Variants in SPTB observed in about 807,000 individuals in gnomAD.
SPTB encodes the protein spectrin beta chain, erythrocytic.
A neutral mutation model predicts 256.2 loss-of-function variants in SPTB; 45 were observed. That is an observed-to-expected ratio of 0.18 (90% CI 0.14 to 0.23). The LOEUF (loss-of-function observed/expected upper bound fraction) is 0.23, where lower values mean the gene tolerates loss of function less well. SPTB is among the 10% of genes least tolerant of loss of function. SPTB has a pLI of 1.00. For missense variants in SPTB, 2,715 were observed against 3,040.4 expected (o/e 0.89, Z 2.52); for synonymous variants, 1,231 against 1,243.1 (o/e 0.99, Z 0.21).
intron 29 of SPTB, 149 bp from the exon 30 acceptor site, chr14:64,768,008 C>T (rs2082217782): frequency 1.2e-6 from 1 of 829,670 alleles, no homozygotes; most frequent in African/African-American, 1.7e-5. Flanking sequence ...CTGCAGCCAC[C>T]CCATTCCACA....
At chr14:64,867,682 C>T (rs1418434539) in intron 1 of SPTB, among the ~76,000 whole-genome samples, 3 of 151,898 alleles carry the variant, frequency 2.0e-5, no homozygotes, top group East Asian at 1.9e-4. Flanking sequence ...GGCGAAACCC[C>T]GTCTCTACTA....
At chr14:64,835,432 G>A (rs912717011) in intron 1 of SPTB, among the ~76,000 whole-genome samples, 11 of 152,174 alleles carry the variant, frequency 7.2e-5, no homozygotes, top group African/African-American at 2.7e-4. Context: ...TTTTAATAGA[G>A]ACGGGGTTTC....
Position 64,786,794 on chromosome 14 carries a change from C to T in SPTB, c.3171G>A (p.Leu1057=). 1 of 1,614,028 alleles carries T rather than the reference C, an allele frequency of 6.2e-7. No individual in the cohort carries two copies. ...QQSLQGQEDL[L]GEVSQLQAFL... ...AGGCCTGCAGCTGGCTGACTTCCCC[C>T]AGCAAGTCCTCCTGGCCCTGCAGGG... The change falls in exon 16 of 36, where the codon CTG becomes CTA. Residue 1057 remains leucine (L), a synonymous_variant. Coordinates refer to ENST00000644917, the MANE Select transcript of SPTB (RefSeq NM_001355436.2). This position sits in a 1 kb window ranked among gnomAD's most constrained non-coding sequence, Gnocchi z 5.6.
In SPTB at chr14:64,846,109, C is replaced by T. The variant is rs547922606; in HGVS notation, c.-51-22964G>A. Among the ~76,000 whole-genome samples, 13 of 152,274 alleles carry T rather than the reference C, an allele frequency of 8.5e-5. 1 individual carries two copies. The South Asian group carries it at 1.5e-3, about 17-fold the overall frequency. The stretch of plus-strand genomic sequence containing the variant: ...GATGAAAGCAGAGAACTGCTACTCC[C>T]GACTTGCGGTGAGTAACTTGATTAT... On this transcript the variant is annotated intron_variant, in intron 1 of 35. Transcript: ENST00000644917.
In SPTB at chr14:64,790,158, G is replaced by GC. The variant is rs2082646235; in HGVS notation, c.2804+1560_2804+1561insG. Among the ~76,000 whole-genome samples, 2 of 152,122 alleles carry GC rather than the reference G, an allele frequency of 1.3e-5. No homozygotes were observed. Among genetic ancestry groups the GC allele is most frequent in the South Asian group, 4.2e-4 (2 of 4,814 alleles). On this transcript the variant is annotated intron_variant, in intron 15 of 35. Transcript: ENST00000644917. The surrounding 1 kb of genome is among the most constrained non-coding windows in gnomAD (Gnocchi z 4.8). ...GTGAGGGAGTGAGTTCCCCATCACT[G>GC]GCTAGACTGGGTGACTTCTCAGGTT...
intron 1 of SPTB, among the ~76,000 whole-genome samples, chr14:64,870,386 G>A (rs1882458537): frequency 6.6e-6 from 1 of 151,914 alleles, no homozygotes; most frequent in African/African-American, 2.4e-5. Context: ...GGAGCTGGAA[G>A]CAACCCAGAC....
chr14:64,766,338 A>C, intron 32 of SPTB: 1 of 1,199,324 alleles, frequency 8.3e-7, no homozygotes, highest in South Asian at 1.8e-5. Flanking sequence ...TACTGCCTAG[A>C]GGAAGGAGTT....
rs1161996598 is a variant in SPTB at position 64,824,011 on chromosome 14, C to T, written c.-51-866G>A. ...AGTCATTCCTACTCACTCATTCATTCATTTACAGTTAATTCAAATATGTAC... is the reference window on the plus strand; with the variant it reads ...AGTCATTCCTACTCACTCATTCATTTATTTACAGTTAATTCAAATATGTAC... On this transcript the variant is annotated intron_variant, in intron 1 of 35. Coordinates refer to ENST00000644917, the MANE Select transcript of SPTB (RefSeq NM_001355436.2). The surrounding 1 kb of genome is among the most constrained non-coding windows in gnomAD (Gnocchi z 5.7). 6.6e-6 allele frequency among the ~76,000 whole-genome samples: 1 copy of T among 152,212 alleles called. No homozygotes were observed. The highest frequency in any genetic ancestry group is 2.4e-5 in the African/African-American group (1 of 41,446).
intron 20 of SPTB, among the ~76,000 whole-genome samples, chr14:64,781,881 C>G (rs1426135829): frequency 2.6e-5 from 4 of 152,098 alleles, no homozygotes; most frequent in Non-Finnish European, 5.9e-5. Flanking sequence ...TATTTCACAG[C>G]CATAAAAAAA....
chr14:64,842,895 C>G (rs4902321), intron 1 of SPTB, among the ~76,000 whole-genome samples: 11,504 of 152,152 alleles, frequency 0.076, 677 homozygotes, highest in South Asian at 0.2. Context: ...CAGAGAGACC[C>G]TGTCTCTATA....
chr14:64,787,701 G>A (rs1423298488), intron 15 of SPTB, among the ~76,000 whole-genome samples: 1 of 152,248 alleles, frequency 6.6e-6, no homozygotes, highest in Non-Finnish European at 1.5e-5. Flanking sequence ...AGAGAATGGG[G>A]AGGAATAAGT....
rs138694655 is a variant in SPTB at position 64,830,587 on chromosome 14, A to T, written c.-51-7442T>A. Among the ~76,000 whole-genome samples, 31 of 152,132 alleles carry T rather than the reference A, an allele frequency of 2.0e-4. 1 individual carries two copies. The East Asian group carries it at 5.6e-3, about 27-fold the overall frequency. ...TTATTCATCACCAAGGTCAGTCATT[A>T]AGCCTCTGAAAGGGTCTTTTGTTCG... On this transcript the variant is annotated intron_variant, in intron 1 of 35. Coordinates refer to ENST00000644917, the MANE Select transcript of SPTB (RefSeq NM_001355436.2).
chr14:64,784,108 T>C, intron 19 of SPTB, 139 bp downstream of exon 19: 1 of 1,277,466 alleles, frequency 7.8e-7, no homozygotes, highest in South Asian at 1.3e-5. Flanking sequence ...AAGGTTTAGC[T>C]ACTATTTAGA....
At position 64,793,222 on chromosome 14, in the gene SPTB, C is replaced by T. The variant is rs144219025; in HGVS notation, c.2441G>A (p.Arg814Gln). 4.3e-5 allele frequency: 69 copies of T among 1,610,928 alleles called. No homozygotes were observed. The highest frequency in any genetic ancestry group is 1.6e-4 in the Middle Eastern group (1 of 6,084). The stretch of plus-strand genomic sequence containing the variant: ...CCGATGGGTCACATCTGGGGAATCC[C>T]GAAACTCTTCGGGGAATCCCTGGGC... ...QQAQGFPEEFRDSPDVTHRLQ... is the reference protein window; with the variant it reads ...QQAQGFPEEFQDSPDVTHRLQ... Residue 814 changes from arginine (R) to glutamine (Q), a missense_variant, in exon 14 of 36, where the codon CGG becomes CAG. Physicochemically the swap from Arg to Gln is conservative, Grantham distance 43. Coordinates refer to ENST00000644917, the MANE Select transcript of SPTB (RefSeq NM_001355436.2). This position sits in a 1 kb window ranked among gnomAD's most constrained non-coding sequence, Gnocchi z 7.0.
chr14:64,762,652 TCC>T (rs1315975619), intron 32 of SPTB, among the ~76,000 whole-genome samples: 1 of 152,192 alleles, frequency 6.6e-6, no homozygotes, highest in Non-Finnish European at 1.5e-5. Flanking sequence ...AGATACTCAG[TCC>T]CTTTCTCCAG....
intron 19 of SPTB, 108 bp from the exon 20 acceptor site, chr14:64,782,661 A>C (rs1321471188): frequency 6.6e-7 from 1 of 1,505,176 alleles, no homozygotes; most frequent in Non-Finnish European, 9.1e-7. Flanking sequence ...AGTAAGGCAA[A>C]GAATCTTCAT....
At chr14:64,776,439 T>C (rs920174005) in intron 22 of SPTB, among the ~76,000 whole-genome samples, 1 of 152,178 alleles carries the variant, frequency 6.6e-6, no homozygotes, top group African/African-American at 2.4e-5. Context: ...CATGGTGCCC[T>C]AAAAATTAAT....
rs229616 is a variant in SPTB, at chr14:64,826,838, A to G, written c.-51-3693T>C. On this transcript the variant is annotated intron_variant, in intron 1 of 35. Transcript: ENST00000644917. The surrounding 1 kb of genome is among the most constrained non-coding windows in gnomAD (Gnocchi z 4.4). Reference sequence around the variant, plus strand: ...TCATCCTTACCTGCCTTCTGCCACCACCGACCCCAGGCTATATTTTGAGTA... The same window carrying G: ...TCATCCTTACCTGCCTTCTGCCACCGCCGACCCCAGGCTATATTTTGAGTA... Among the ~76,000 whole-genome samples, 53,229 of 151,860 alleles carry G rather than the reference A, an allele frequency of 0.35. 11,834 individuals carry two copies. The highest frequency in any genetic ancestry group is 0.63 in the African/African-American group (26,116 of 41,386).
At chr14:64,797,467 C>CAA (rs57385615) in intron 10 of SPTB, among the ~76,000 whole-genome samples, 3,361 of 31,008 alleles carry the variant, frequency 0.11, 996 homozygotes, top group Non-Finnish European at 0.13. Context: ...ACCCTGTCTC[C>CAA]AAAAAAAAAA....
Sources: gnomAD v4.1 joint callset for allele counts (sites outside exome capture counted in the v4.1 genomes callset) on GRCh38, gnomAD v4.1.1 for gene constraint, Gnocchi (gnomAD v3.1) non-coding constraint, MANE v1.5 for transcripts, NCBI Gene and HGNC (gene_info 2026-07-23, HGNC 2026-07-21) for gene names.